Variants in CAMTA1 observed in about 807,000 individuals in gnomAD.
CAMTA1 encodes calmodulin-binding transcription activator 1.
CAMTA1 carries 27 observed loss-of-function variants against 170.9 expected under a neutral mutation model. The observed-to-expected ratio is 0.16, with a 90% CI of 0.12 to 0.22. The LOEUF (loss-of-function observed/expected upper bound fraction) is 0.22, where lower values mean the gene tolerates loss of function less well. Among genes scored for constraint, CAMTA1 ranks in the 10% least tolerant of loss-of-function variants. The pLI, the probability that CAMTA1 is intolerant of heterozygous loss-of-function variation, is 1.00. For synonymous variants in CAMTA1, 833 were observed against 891.5 expected (o/e 0.93, Z 1.17); for missense variants, 1,619 against 2,217.2 (o/e 0.73, Z 5.42).
intron 3 of CAMTA1, chr1:6,886,118 C>A: frequency 2.4e-6 from 1 of 419,248 alleles, no homozygotes; most frequent in Non-Finnish European, 4.8e-6. Context: ...ACCATCTGCA[C>A]GTGGTTATGG....
rs1391830264 is a variant in CAMTA1, at chr1:6,820,338, C to CA, written c.115+89dup. The CA allele has an allele frequency of 2.9e-6, 4 of 1,360,044 alleles. No homozygotes were observed. The African/African-American group carries it at 5.7e-5, about 20-fold the overall frequency. 84.2% of individuals were successfully genotyped at this position (1,360,044 alleles called of 1,614,324 possible). A position where few individuals can be genotyped will look rare whatever the true frequency, so the allele number is the denominator to read the frequency against. On this transcript the variant is annotated intron_variant, in intron 2 of 22. Transcript: ENST00000303635. The stretch of plus-strand genomic sequence containing the variant: ...CATCTAGTACAGTGGAAACAGCCTT[C>CA]AGCCCGGACTCAGAAGACCTGGGTT...
At chr1:7,598,505 C>T (rs545391735) in intron 6 of CAMTA1, among the ~76,000 whole-genome samples, 3 of 152,178 alleles carry the variant, frequency 2.0e-5, no homozygotes, top group Non-Finnish European at 2.9e-5. Context: ...CCTGAGGAAT[C>T]GCCACACTGA....
intron 7 of CAMTA1, among the ~76,000 whole-genome samples, chr1:7,660,209 C>T (rs1369149745): frequency 1.3e-5 from 2 of 152,220 alleles, no homozygotes; most frequent in South Asian, 2.1e-4. Flanking sequence ...GCTGGGATTA[C>T]AGGCATGTGC....
rs969077771 is a variant in CAMTA1 at position 7,013,209 on chromosome 1, CT to C, written c.235-78072del. Reference sequence around the variant, plus strand: ...TCCAGGCCCTGCCTTTGCCCTTCTTCTTTTTTTTTTTTTTTTTTTTTTTGAG... The same window carrying C: ...TCCAGGCCCTGCCTTTGCCCTTCTTCTTTTTTTTTTTTTTTTTTTTTTGAG... On this transcript the variant is annotated intron_variant, in intron 3 of 22. Transcript: ENST00000303635. Among the ~76,000 whole-genome samples, 129 of 84,196 alleles carry C rather than the reference CT, an allele frequency of 1.5e-3. 1 individual carries two copies. The highest frequency in any genetic ancestry group is 2.7e-3 in the Admixed American group (18 of 6,636). The allele number at this position is 84,196 out of a possible 152,430, so 55.2% of individuals were successfully genotyped here.
rs1359866013 is a variant in CAMTA1 at position 7,748,381 on chromosome 1, C to T, written c.4689+600C>T. Among the ~76,000 whole-genome samples the T allele has an allele frequency of 6.6e-6, 1 of 151,682 alleles. No individual in the cohort carries two copies. Among genetic ancestry groups the T allele is most frequent in the Non-Finnish European group, 1.5e-5 (1 of 67,936 alleles). On this transcript the variant is annotated intron_variant, in intron 19 of 22. Transcript: ENST00000303635. The surrounding 1 kb of genome is among the most constrained non-coding windows in gnomAD (Gnocchi z 4.7). Reference sequence around the variant, plus strand: ...AGGTGTTGATGTCCAGCTTGGACCTCGTCTCAAAAAAAAACCAGAGGAAAA... The same window carrying T: ...AGGTGTTGATGTCCAGCTTGGACCTTGTCTCAAAAAAAAACCAGAGGAAAA...
chr1:7,379,003 C>T (rs557056005), intron 5 of CAMTA1, among the ~76,000 whole-genome samples: 10 of 152,318 alleles, frequency 6.6e-5, no homozygotes, highest in East Asian at 5.8e-4. Context: ...GTGGCCTGTG[C>T]GCCTCAGGGT....
chr1:7,237,185 T>G (rs1453774926), intron 4 of CAMTA1, among the ~76,000 whole-genome samples: 2 of 152,212 alleles, frequency 1.3e-5, no homozygotes, highest in Non-Finnish European at 2.9e-5. Flanking sequence ...ATACTGTTCC[T>G]GGAGTCCCAC....
rs1030174490 is a variant in CAMTA1, at chr1:7,443,772, G to T, written c.439-24058G>T. Among the ~76,000 whole-genome samples, 4 of 152,094 alleles carry T rather than the reference G, an allele frequency of 2.6e-5. No individual in the cohort carries two copies. Among genetic ancestry groups the T allele is most frequent in the Non-Finnish European group, 5.9e-5 (4 of 68,012 alleles). On this transcript the variant is annotated intron_variant, in intron 5 of 22. Transcript: ENST00000303635. The surrounding 1 kb of genome is among the most constrained non-coding windows in gnomAD (Gnocchi z 4.1). ...GTGGGGCTCCAGAGAGGGTCCCTCA[G>T]GTCTCTGCACCCTCTTTTCCATTTA...
chr1:7,391,328 A>AGTGTGTGTGTGTGT (rs35663101), intron 5 of CAMTA1, among the ~76,000 whole-genome samples: 114 of 147,020 alleles, frequency 7.8e-4, no homozygotes, highest in African/African-American at 2.8e-3. Context: ...CCCTTTACAC[A>AGTGTGTGTGTGTGT]GTGTGTGTGT....
At chr1:7,387,338 C>A (rs550014655) in intron 5 of CAMTA1, among the ~76,000 whole-genome samples, 2 of 152,290 alleles carry the variant, frequency 1.3e-5, no homozygotes, top group African/African-American at 4.8e-5. Flanking sequence ...CACAGCCACC[C>A]CAACCAGGAG....
At chr1:7,516,426 A>G (rs1404582581) in intron 6 of CAMTA1, among the ~76,000 whole-genome samples, 1 of 152,222 alleles carries the variant, frequency 6.6e-6, no homozygotes, top group East Asian at 1.9e-4. Context: ...TGGGGCAGCC[A>G]GGGAGCTCAC....
chr1:7,062,043 G>T (rs906739480), intron 3 of CAMTA1, among the ~76,000 whole-genome samples: 2 of 151,886 alleles, frequency 1.3e-5, no homozygotes, highest in Non-Finnish European at 2.9e-5. Context: ...TCAGCCTCCC[G>T]AGTAGCTGGG....
intron 4 of CAMTA1, among the ~76,000 whole-genome samples, chr1:7,189,133 T>C (rs1416383837): frequency 6.6e-6 from 1 of 152,234 alleles, no homozygotes; most frequent in African/African-American, 2.4e-5. Flanking sequence ...TCCTTCAGCC[T>C]CAATTATTGT....
chr1:6,877,587 C>G, intron 3 of CAMTA1, among the ~76,000 whole-genome samples: 1 of 152,148 alleles, frequency 6.6e-6, no homozygotes, highest in Admixed American at 6.6e-5. Flanking sequence ...GTTACCATCA[C>G]GCTGTGTGAT....
intron 3 of CAMTA1, among the ~76,000 whole-genome samples, chr1:6,895,555 C>G (rs747792447): frequency 6.6e-6 from 1 of 152,262 alleles, no homozygotes; most frequent in Non-Finnish European, 1.5e-5. Context: ...GACTTTCTAT[C>G]CATTTGGAGT....
At chr1:7,372,663 C>T (rs143568428) in intron 5 of CAMTA1, among the ~76,000 whole-genome samples, 18 of 152,226 alleles carry the variant, frequency 1.2e-4, no homozygotes, top group African/African-American at 3.6e-4. Flanking sequence ...CCCGTGCCAG[C>T]GCTGCCATGA....
chr1:6,910,625 A>T (rs1679492875), intron 3 of CAMTA1, among the ~76,000 whole-genome samples: 2 of 152,254 alleles, frequency 1.3e-5, no homozygotes, highest in Admixed American at 1.3e-4. Context: ...TCCCTCCAAC[A>T]TGTCACTATC....
At chr1:7,461,534 G>T (rs543120333) in intron 5 of CAMTA1, among the ~76,000 whole-genome samples, 1 of 152,236 alleles carries the variant, frequency 6.6e-6, no homozygotes, top group African/African-American at 2.4e-5. Context: ...TCGAACAGCC[G>T]CAGTGACTAG....
chr1:7,066,372 C>G (rs554621655), intron 3 of CAMTA1, among the ~76,000 whole-genome samples: 1 of 152,336 alleles, frequency 6.6e-6, no homozygotes, highest in East Asian at 1.9e-4. Context: ...GGCACACACA[C>G]TTTTGATTGA....
Sources: allele counts gnomAD v4.1 joint callset (sites outside exome capture counted in the v4.1 genomes callset), GRCh38; gene constraint gnomAD v4.1.1; non-coding constraint Gnocchi (gnomAD v3.1); transcripts MANE v1.5; gene names NCBI Gene and HGNC (gene_info 2026-07-23, HGNC 2026-07-21).